TIMM23: variants seen among roughly 807,000 people sequenced by gnomAD.
TIMM23 encodes mitochondrial import inner membrane translocase subunit Tim23.
A neutral mutation model predicts 30.7 loss-of-function variants in TIMM23; 19 were observed. That is an observed-to-expected ratio of 0.62 (90% confidence interval 0.43 to 0.91). The LOEUF is 0.91. Ranked by LOEUF, TIMM23 falls within the 40% of genes least tolerant of loss-of-function variation. The pLI is 0.00. For missense variants in TIMM23, 202 were observed against 269.2 expected (o/e 0.75, Z 1.75); for synonymous variants, 78 against 98.5 (o/e 0.79, Z 1.23).
rs1838628197 is a variant in TIMM23 at position 46,003,627 on chromosome 10, G to C, written c.*309G>C. On this transcript the variant is annotated 3_prime_UTR_variant, in exon 7 of 7. Coordinates refer to ENST00000580018, the MANE Select transcript of TIMM23 (RefSeq NM_006327.4). ...CACTTACTCCCAGAATTCAGGTCGT[G>C]CTTGTTAGTACTATATCACCAAGTC... is the stretch of plus-strand genomic sequence containing the variant. The C allele has an allele frequency of 4.0e-6, 1 of 248,570 alleles. No individual in the cohort carries two copies. Among genetic ancestry groups the C allele is most frequent in the African/African-American group, 2.3e-5 (1 of 44,316 alleles). 15.4% of individuals were successfully genotyped at this position (248,570 alleles called of 1,614,324 possible). A position where few individuals can be genotyped will look rare whatever the true frequency, so the allele number is the denominator to read the frequency against.
intron 6 of TIMM23, among the ~76,000 whole-genome samples, chr10:46,001,666 C>T (rs1199632365): frequency 3.3e-5 from 5 of 152,132 alleles, no homozygotes; most frequent in Non-Finnish European, 5.9e-5. Flanking sequence ...CCTCTGTCTC[C>T]CTAACACATG....
At chr10:45,995,149 T>C (rs1838289764) in intron 6 of TIMM23, among the ~76,000 whole-genome samples, 2 of 151,858 alleles carry the variant, frequency 1.3e-5, no homozygotes, top group African/African-American at 4.9e-5. Flanking sequence ...TATTCTTTTT[T>C]GCTTTTTCTC....
At chr10:46,003,170 C>A in intron 6 of TIMM23, 33 bp from the exon 7 acceptor site, 1 of 1,521,840 alleles carries the variant, frequency 6.6e-7, no homozygotes, top group Non-Finnish European at 9.1e-7. Context: ...CAATATACAG[C>A]TATTTCATTT....
chr10:45,998,694 T>G (rs1838420284), intron 6 of TIMM23, among the ~76,000 whole-genome samples: 1 of 152,202 alleles, frequency 6.6e-6, no homozygotes. Context: ...AGTGTCTTGT[T>G]GGAGTTGATT....
chr10:45,995,933 G>T (rs1432765487), intron 6 of TIMM23, among the ~76,000 whole-genome samples: 2 of 149,196 alleles, frequency 1.3e-5, no homozygotes, highest in African/African-American at 5.1e-5. Flanking sequence ...CGTGATATTT[G>T]TGGTGGATGA....
chr10:45,985,693 C>T (rs1837970795), intron 5 of TIMM23, among the ~76,000 whole-genome samples: 1 of 152,190 alleles, frequency 6.6e-6, no homozygotes, highest in South Asian at 2.1e-4. Flanking sequence ...CTCTCCTTTC[C>T]AAGCACAACA....
At chr10:46,002,810 A>ATTT (rs386371331) in intron 6 of TIMM23, among the ~76,000 whole-genome samples, 19,014 of 94,804 alleles carry the variant, frequency 0.2, 2,776 homozygotes, top group South Asian at 0.39. Context: ...ATTTCATAGT[A>ATTT]TTTTTTTTTT....
chr10:45,993,010 A>T (rs1838212180), intron 6 of TIMM23, among the ~76,000 whole-genome samples: 1 of 152,066 alleles, frequency 6.6e-6, no homozygotes, highest in African/African-American at 2.4e-5. Flanking sequence ...ATCCTTCCAG[A>T]TACCTACCTC....
At chr10:45,992,424 G>A in intron 6 of TIMM23, 1 of 455,956 alleles carries the variant, frequency 2.2e-6, no homozygotes. Context: ...TCTAAACCCT[G>A]CATTAACATC....
Position 45,972,697 on chromosome 10 carries a change from G to C in TIMM23, c.73G>C (p.Gly25Arg). 1 of 1,614,010 alleles carries C rather than the reference G, an allele frequency of 6.2e-7. No homozygotes were observed. Among genetic ancestry groups the C allele is most frequent in the Non-Finnish European group, 8.5e-7 (1 of 1,179,870 alleles). The stretch of plus-strand genomic sequence containing the variant: ...CGGCTTTTTCGGAGCCGGCGGAGCA[G>C]GTTACTCGCACGCGGATTTGGCTGG... ...LAGFFGAGGA[G>R]YSHADLAGVP... The change falls in exon 1 of 7, where the codon GGT becomes CGT. Residue 25 changes from glycine (G) to arginine (R), a missense_variant. Gly to Arg is a moderately radical substitution (Grantham distance 125, BLOSUM62 -2). Coordinates refer to ENST00000580018, the MANE Select transcript of TIMM23 (RefSeq NM_006327.4).
At chr10:45,977,991 A>AC (rs1190548966) in intron 2 of TIMM23, among the ~76,000 whole-genome samples, 1 of 152,002 alleles carries the variant, frequency 6.6e-6, no homozygotes, top group African/African-American at 2.4e-5. Context: ...AGATCGCGCC[A>AC]CCCGCACTTC....
At chr10:45,989,299 T>A (rs1481230273) in intron 6 of TIMM23, among the ~76,000 whole-genome samples, 1 of 152,248 alleles carries the variant, frequency 6.6e-6, no homozygotes, top group African/African-American at 2.4e-5. Flanking sequence ...TTGTTGCATG[T>A]GCCAGAATTC....
chr10:46,000,277 A>T (rs1554917459), intron 6 of TIMM23, among the ~76,000 whole-genome samples: 1 of 152,238 alleles, frequency 6.6e-6, no homozygotes, highest in African/African-American at 2.4e-5. Context: ...GATTGCAGTA[A>T]AGACAGGCAT....
intron 2 of TIMM23, among the ~76,000 whole-genome samples, chr10:45,981,261 A>G (rs78385682): frequency 0.81 from 51,292 of 63,270 alleles, 21,506 homozygotes; most frequent in East Asian, 0.94. Context: ...CTTAATTAGT[A>G]ATCTGTTTCT....
chr10:45,988,898 T>G, intron 6 of TIMM23, 51 bp downstream of exon 6: 1 of 1,573,902 alleles, frequency 6.4e-7, no homozygotes, highest in Non-Finnish European at 8.7e-7. Context: ...GAAGTGCGCT[T>G]TTTAAAATTC....
Position 45,975,462 on chromosome 10 carries a change from A to G in TIMM23, c.115A>G (p.Met39Val), listed in dbSNP as rs1554912846. 3 of 1,613,940 alleles carry G rather than the reference A, an allele frequency of 1.9e-6. No homozygotes were observed. The South Asian group carries it at 3.3e-5, about 18-fold the overall frequency. ...ADLAGVPLTG[M>V]NPLSPYLNVD... ...TTTTGTTTTCTCTCTAGTAACTGGT[A>G]TGAACCCTCTGTCTCCTTATTTAAA... The change falls in exon 2 of 7, where the codon ATG becomes GTG. Residue 39 changes from methionine to valine, a missense_variant. By Grantham distance (21) the Met-to-Val change is conservative (BLOSUM62 1). Transcript: ENST00000580018.
intron 6 of TIMM23, among the ~76,000 whole-genome samples, chr10:45,989,736 A>C (rs1478280740): frequency 6.4e-4 from 97 of 152,350 alleles, no homozygotes; most frequent in African/African-American, 2.2e-3. Flanking sequence ...CTGTAAGTCA[A>C]TTTAGAGCAT....
chr10:45,984,391 A>C (rs1254176158), intron 4 of TIMM23, among the ~76,000 whole-genome samples: 1 of 152,228 alleles, frequency 6.6e-6, no homozygotes, highest in African/African-American at 2.4e-5. Context: ...AGTTATTAAA[A>C]TGCTTGTTAA....
At chr10:45,986,568 A>C (rs1378152311) in intron 5 of TIMM23, among the ~76,000 whole-genome samples, 2 of 152,188 alleles carry the variant, frequency 1.3e-5, no homozygotes, top group African/African-American at 4.8e-5. Flanking sequence ...AAGTATAAAA[A>C]TACTGCAGTA....
Sources: allele counts gnomAD v4.1 joint callset (sites outside exome capture counted in the v4.1 genomes callset), GRCh38; gene constraint gnomAD v4.1.1; transcripts MANE v1.5; gene names NCBI Gene and HGNC (gene_info 2026-07-23, HGNC 2026-07-21).